CPT1C: variants seen among roughly 807,000 people sequenced by gnomAD.
The protein encoded by CPT1C is carnitine palmitoyltransferase 1C, also known as palmitoyl thioesterase CPT1C.
A neutral mutation model predicts 97.3 loss-of-function variants in CPT1C; 61 were observed. The ratio of observed to expected loss-of-function variants is 0.63; its 90% confidence interval spans 0.51 to 0.78. CPT1C has a LOEUF of 0.78. CPT1C is among the 30% of genes least tolerant of loss of function. CPT1C has a pLI of 0.00. For synonymous variants in CPT1C, 469 were observed against 447.2 expected, an observed-to-expected ratio of 1.05 and a Z score of -0.61; for missense variants, 975 against 1,065.5, an observed-to-expected ratio of 0.92 and a Z score of 1.18.
intron 4 of CPT1C, among the ~76,000 whole-genome samples, chr19:49,699,122 C>A (rs2082845388): frequency 1.3e-5 from 2 of 151,622 alleles, no homozygotes; most frequent in Admixed American, 6.6e-5. Flanking sequence ...AAAAAAAAAT[C>A]ATGCCTGTCA....
At chr19:49,695,675 C>T (rs1057420108) in intron 3 of CPT1C, among the ~76,000 whole-genome samples, 1 of 149,298 alleles carries the variant, frequency 6.7e-6, no homozygotes, top group Non-Finnish European at 1.5e-5. Context: ...ACCTCTGCCT[C>T]CTGGGTTCAA....
Position 49,711,841 on chromosome 19 carries a change from A to C in CPT1C, c.1899A>C (p.Ala633=), listed in dbSNP as rs1318806419. The change falls in exon 17 of 20, where the codon GCA becomes GCC. Residue 633 remains alanine (A), a synonymous_variant. Transcript: ENST00000598293. ...AGTGCCTCGCCCTGTTCCGCGTGGCAGTGGACAAGCACCAGGCTCTGCTGA... is the reference window on the plus strand; with the variant it reads ...AGTGCCTCGCCCTGTTCCGCGTGGCCGTGGACAAGCACCAGGCTCTGCTGA... ...DPQCLALFRV[A]VDKHQALLKA... 6.2e-7 allele frequency: 1 copy of C among 1,613,804 alleles called. No individual in the cohort carries two copies. The highest frequency in any genetic ancestry group is 1.7e-5 in the Admixed American group (1 of 60,018).
At chr19:49,696,168 C>T (rs1349024854) in intron 3 of CPT1C, among the ~76,000 whole-genome samples, 2 of 152,138 alleles carry the variant, frequency 1.3e-5, no homozygotes, top group South Asian at 2.1e-4. Flanking sequence ...TGAGCTACTG[C>T]GCCCGGCCAA....
At position 49,713,013 on chromosome 19, in the gene CPT1C, G is replaced by A; in HGVS notation, c.2175G>A (p.Gly725=). 2 of 1,614,070 alleles carry A rather than the reference G, an allele frequency of 1.2e-6. No individual in the cohort carries two copies. The highest frequency in any genetic ancestry group is 1.1e-5 in the South Asian group (1 of 91,082). The change falls in exon 19 of 20, where the codon GGG becomes GGA. Residue 725 remains glycine, a synonymous_variant. Transcript: ENST00000598293. ...HGYGVSYIFM[G]DGMITFHISS... ...ATGGTGTTTCTTATATCTTCATGGG[G>A]GATGGCATGATCACCTTCCACATCT...
intron 10 of CPT1C, among the ~76,000 whole-genome samples, 164 bp from the exon 11 acceptor site, chr19:49,705,745 C>T (rs542040447): frequency 7.2e-4 from 109 of 152,152 alleles, no homozygotes; most frequent in Non-Finnish European, 1.3e-3. Context: ...GGCGACAGAG[C>T]GAGACCTTGT....
intron 7 of CPT1C, 133 bp downstream of exon 7, chr19:49,701,767 A>G (rs1042465368): frequency 4.3e-5 from 40 of 937,930 alleles, no homozygotes; most frequent in Non-Finnish European, 5.7e-5. Flanking sequence ...CCAAGGGTCA[A>G]TACCCTGAGC....
At chr19:49,713,233 C>A (rs1448986400) in intron 19 of CPT1C, 169 bp downstream of exon 19, 3 of 724,280 alleles carry the variant, frequency 4.1e-6, no homozygotes, top group South Asian at 3.6e-5. Flanking sequence ...GGAGTCCAGG[C>A]CCCCAGCCCC....
intron 18 of CPT1C, 51 bp from the exon 19 acceptor site, chr19:49,712,921 G>A (rs1600163759): frequency 6.3e-7 from 1 of 1,593,330 alleles, no homozygotes; most frequent in Non-Finnish European, 8.6e-7. Context: ...TGCATAGTGG[G>A]GGTGGAGGGG....
chr19:49,708,862 C>T, intron 14 of CPT1C, 23 bp downstream of exon 14: 1 of 1,453,098 alleles, frequency 6.9e-7, no homozygotes, highest in Non-Finnish European at 9.6e-7. Flanking sequence ...TTCTGGGCCT[C>T]TCCTCCAAGT....
chr19:49,705,093 G>A lies in CPT1C; in HGVS notation c.858G>A (p.Leu286=). 6.2e-7 allele frequency: 1 copy of A among 1,614,050 alleles called. No homozygotes were observed. The highest frequency in any genetic ancestry group is 8.5e-7 in the Non-Finnish European group (1 of 1,179,988). ...CCCTCCTCCTGTACCGCCACCGCCT[G>A]AACCGCCAGGAGATACCCCCGGTGA... ...VHALLLYRHR[L]NRQEIPPTLL... is the part of the protein sequence containing the mutation. The change falls in exon 9 of 20, where the codon CTG becomes CTA. Residue 286 remains leucine, a synonymous_variant. Transcript: ENST00000598293.
chr19:49,691,145 G>T lies in CPT1C; in HGVS notation c.-279G>T, dbSNP rs1047684509. 3 of 152,028 alleles carry T rather than the reference G, an allele frequency of 2.0e-5. No individual in the cohort carries two copies. Among genetic ancestry groups the T allele is most frequent in the African/African-American group, 7.3e-5 (3 of 41,378 alleles). The allele number at this position is 152,028 out of a possible 1,614,324, so 9.4% of individuals were successfully genotyped here. A position where few individuals can be genotyped will look rare whatever the true frequency, so the allele number is the denominator to read the frequency against. ...ACCCGGCTAGGGACACGAGAGAGAG[G>T]AATCGGGGTTTCTGGGTGACGGTGA... On this transcript the variant is annotated 5_prime_UTR_variant, in exon 1 of 20. Coordinates refer to ENST00000598293, the MANE Select transcript of CPT1C (RefSeq NM_001199753.2).
intron 14 of CPT1C, 107 bp from the exon 15 acceptor site, chr19:49,710,212 TG>T (rs2083769865): frequency 1.9e-6 from 2 of 1,059,998 alleles, no homozygotes; most frequent in Non-Finnish European, 2.8e-6. Flanking sequence ...TTCCATATTC[TG>T]CCGCAACCTT....
chr19:49,710,945 C>T, intron 16 of CPT1C, 88 bp downstream of exon 16: 1 of 1,411,342 alleles, frequency 7.1e-7, no homozygotes, highest in South Asian at 1.3e-5. Context: ...CTGAAGCCAG[C>T]CTCCACGAGG....
chr19:49,701,413 C>A lies in CPT1C; in HGVS notation c.550C>A (p.Arg184Ser). The change falls in exon 6 of 20, where the codon CGC becomes AGC. Residue 184 changes from arginine (R) to serine (S), a missense_variant. Coordinates refer to ENST00000598293, the MANE Select transcript of CPT1C (RefSeq NM_001199753.2). ...CGTGCCCTCTGTGCAGGACACCGTGCGCAAGGTGGGCCTGGGAGCGCGCAG... is the reference window on the plus strand; with the variant it reads ...CGTGCCCTCTGTGCAGGACACCGTGAGCAAGGTGGGCCTGGGAGCGCGCAG... ...QPVPSVQDTV[R>S]KYLESVRPIL... 1 of 1,609,168 alleles carries A rather than the reference C, an allele frequency of 6.2e-7. No individual in the cohort carries two copies. The highest frequency in any genetic ancestry group is 8.5e-7 in the Non-Finnish European group (1 of 1,177,224).
Position 49,692,449 on chromosome 19 carries a change from A to G in CPT1C, c.141+56A>G. 1.0e-5 allele frequency: 16 copies of G among 1,598,646 alleles called. No homozygotes were observed. In the South Asian group the frequency reaches 1.3e-4, roughly 13 times the overall value. ...GGGGATCCAGGTTTCTGCTTCCGGG[A>G]TGTCTGAGGCTCACTTCCGGCATTT... On this transcript the variant is annotated intron_variant, in intron 3 of 19. Transcript: ENST00000598293.
At chr19:49,708,023 A>AAAAAG (rs1434862695) in intron 13 of CPT1C, among the ~76,000 whole-genome samples, 3 of 141,706 alleles carry the variant, frequency 2.1e-5, no homozygotes, top group South Asian at 2.3e-4. Context: ...AAAAAAAAAA[A>AAAAAG]AAAAGAAAAG....
intron 14 of CPT1C, 149 bp downstream of exon 14, chr19:49,708,988 C>T: frequency 1.7e-6 from 1 of 605,272 alleles, no homozygotes; most frequent in South Asian, 2.0e-5. Context: ...CCAAATCAGG[C>T]CATATGCATC....
Position 49,700,738 on chromosome 19 carries a change from G to T in CPT1C, c.336G>T (p.Ser112=), listed in dbSNP as rs760508652. The stretch of plus-strand genomic sequence containing the variant: ...TCCTGGCAGCCGCGCTGTTTGCCTC[G>T]TGTTTGTGGGGAGCCCTGATCTTCA... ...RGVLAAALFA[S]CLWGALIFTL... The change falls in exon 5 of 20, where the codon TCG becomes TCT. Residue 112 remains serine (S), a synonymous_variant. Coordinates refer to ENST00000598293, the MANE Select transcript of CPT1C (RefSeq NM_001199753.2). The T allele has an allele frequency of 2.5e-6, 4 of 1,612,672 alleles. No homozygotes were observed. The highest frequency in any genetic ancestry group is 3.3e-5 in the Admixed American group (2 of 60,020).
At chr19:49,694,800 G>C (rs1474343374) in intron 3 of CPT1C, among the ~76,000 whole-genome samples, 1 of 152,008 alleles carries the variant, frequency 6.6e-6, no homozygotes, top group Admixed American at 6.6e-5. Context: ...CCCTTACCCT[G>C]GGACTCCTTG....
Sources: allele counts gnomAD v4.1 joint callset (sites outside exome capture counted in the v4.1 genomes callset), GRCh38; gene constraint gnomAD v4.1.1; transcripts MANE v1.5; gene names NCBI Gene and HGNC (gene_info 2026-07-23, HGNC 2026-07-21).